AGAP1: variants seen among roughly 807,000 people sequenced by gnomAD.
AGAP1 encodes arf-GAP with GTPase, ANK repeat and PH domain-containing protein 1.
A neutral mutation model predicts 105.3 loss-of-function variants in AGAP1; 29 were observed. That is an observed-to-expected ratio of 0.28 (90% CI 0.21 to 0.38). AGAP1 has a LOEUF of 0.38. Ranked by LOEUF, AGAP1 falls within the 10% of genes least tolerant of loss-of-function variation. The pLI is 1.00. For missense variants in AGAP1, 998 were observed against 1,165.1 expected (o/e 0.86, Z 2.09); for synonymous variants, 509 against 485.9 (o/e 1.05, Z -0.63).
At chr2:235,763,066 GCGCACA>G (rs1559452862) in intron 6 of AGAP1, among the ~76,000 whole-genome samples, 3,370 of 97,448 alleles carry the variant, frequency 0.035, 45 homozygotes, top group Admixed American at 0.082. Context: ...GTGCGCGCGC[GCGCACA>G]CGTGCACCTG....
chr2:235,726,842 T>G (rs1951672969), intron 3 of AGAP1, among the ~76,000 whole-genome samples: 1 of 152,004 alleles, frequency 6.6e-6, no homozygotes, highest in South Asian at 2.1e-4. Context: ...CTTCTTAACT[T>G]GCATCTCTGG....
chr2:235,536,217 ACACACAG>A (rs1943216695), intron 1 of AGAP1, among the ~76,000 whole-genome samples: 1 of 69,592 alleles, frequency 1.4e-5, no homozygotes, highest in African/African-American at 7.3e-5. Flanking sequence ...TCCTACACAC[ACACACAG>A]CAGGACCCTG....
At chr2:235,766,866 C>T (rs927611278) in intron 6 of AGAP1, among the ~76,000 whole-genome samples, 3 of 151,506 alleles carry the variant, frequency 2.0e-5, no homozygotes, top group African/African-American at 4.9e-5. Context: ...CTCAGCCTCC[C>T]GAGTAGCTGG....
chr2:235,651,276 C>T (rs113516568), intron 1 of AGAP1, among the ~76,000 whole-genome samples: 15 of 145,358 alleles, frequency 1.0e-4, no homozygotes, highest in African/African-American at 1.7e-4. Context: ...AGGTGGGGAA[C>T]GACTCAATGG....
intron 1 of AGAP1, among the ~76,000 whole-genome samples, chr2:235,673,944 A>G (rs1241117023): frequency 1.3e-5 from 2 of 152,252 alleles, no homozygotes; most frequent in African/African-American, 2.4e-5. Flanking sequence ...TTGCTTAGGC[A>G]AGGTATTTCC....
chr2:235,990,481 G>T (rs920562866), intron 13 of AGAP1, among the ~76,000 whole-genome samples: 2 of 152,234 alleles, frequency 1.3e-5, no homozygotes, highest in Admixed American at 1.3e-4. Context: ...TTTGATGGTT[G>T]ATGCTGCCTG....
At chr2:235,541,382 T>G (rs921655612) in intron 1 of AGAP1, among the ~76,000 whole-genome samples, 82 of 87,412 alleles carry the variant, frequency 9.4e-4, no homozygotes, top group Non-Finnish European at 1.8e-4. Flanking sequence ...TATTCTTTTT[T>G]TTTTTTTTTT....
chr2:235,856,265 C>T (rs2048682228), intron 9 of AGAP1, among the ~76,000 whole-genome samples: 1 of 152,130 alleles, frequency 6.6e-6, no homozygotes, highest in Non-Finnish European at 1.5e-5. Context: ...CTATAGCTTC[C>T]TCTCTTTAGT....
chr2:235,790,973 G>A (rs1239554356), intron 6 of AGAP1, among the ~76,000 whole-genome samples: 1 of 152,182 alleles, frequency 6.6e-6, no homozygotes, highest in Non-Finnish European at 1.5e-5. Context: ...TGTCATTAAG[G>A]AACATACTGT....
intron 1 of AGAP1, among the ~76,000 whole-genome samples, chr2:235,593,940 G>T (rs1033497430): frequency 6.6e-6 from 1 of 152,172 alleles, no homozygotes; most frequent in African/African-American, 2.4e-5. Flanking sequence ...CTGAACTCCA[G>T]CCTGGGGGAC....
At chr2:235,796,319 T>A (rs562850167) in intron 6 of AGAP1, among the ~76,000 whole-genome samples, 4 of 152,342 alleles carry the variant, frequency 2.6e-5, no homozygotes, top group Non-Finnish European at 5.9e-5. Flanking sequence ...TGAGTTCACA[T>A]AATGACTTTA....
chr2:235,506,144 C>T (rs1336705354), intron 1 of AGAP1, among the ~76,000 whole-genome samples: 6 of 151,870 alleles, frequency 4.0e-5, no homozygotes, highest in African/African-American at 9.7e-5. Context: ...TTGGCCAGGC[C>T]GGTCTCAAAC....
intron 12 of AGAP1, among the ~76,000 whole-genome samples, chr2:235,932,416 G>A (rs1049210273): frequency 1.3e-5 from 2 of 152,200 alleles, no homozygotes; most frequent in South Asian, 2.1e-4. Flanking sequence ...TCACATACTC[G>A]TTTCATTATC....
chr2:235,756,794 G>C (rs1442568016), intron 6 of AGAP1, among the ~76,000 whole-genome samples: 2 of 152,108 alleles, frequency 1.3e-5, no homozygotes, highest in Admixed American at 6.5e-5. Flanking sequence ...TCTAGGTTAC[G>C]CATTCCTTAG....
In AGAP1 at chr2:235,732,128, G is replaced by T. The variant is rs1244071947; in HGVS notation, c.311-8835G>T. On this transcript the variant is annotated intron_variant, in intron 3 of 17. Transcript: ENST00000304032. This position sits in a 1 kb window ranked among gnomAD's most constrained non-coding sequence, Gnocchi z 4.8. Reference sequence around the variant, plus strand: ...CGGATTCAGATCTTTCTGCGTCTCAGGAACATTCCTTTGTCTTTTATCTTC... The same window carrying T: ...CGGATTCAGATCTTTCTGCGTCTCATGAACATTCCTTTGTCTTTTATCTTC... Among the ~76,000 whole-genome samples the T allele has an allele frequency of 6.6e-6, 1 of 152,152 alleles. No individual in the cohort carries two copies. Among genetic ancestry groups the T allele is most frequent in the Non-Finnish European group, 1.5e-5 (1 of 68,032 alleles).
At chr2:235,923,388 C>T (rs7607966) in intron 11 of AGAP1, among the ~76,000 whole-genome samples, 66,232 of 151,856 alleles carry the variant, frequency 0.44, 15,287 homozygotes, top group African/African-American at 0.57. Flanking sequence ...ATAAGTGTTA[C>T]TGGTACAACA....
At chr2:235,749,078 G>A (rs1953207400) in intron 5 of AGAP1, among the ~76,000 whole-genome samples, 2 of 152,120 alleles carry the variant, frequency 1.3e-5, no homozygotes, top group Non-Finnish European at 1.5e-5. Context: ...GCATGGTGGT[G>A]AGTACCTGTA....
At chr2:236,084,723 T>C (rs753497768) in intron 16 of AGAP1, among the ~76,000 whole-genome samples, 3 of 151,422 alleles carry the variant, frequency 2.0e-5, no homozygotes, top group Non-Finnish European at 4.4e-5. Context: ...GCCAACATGG[T>C]GAAACCACGT....
chr2:235,550,487 G>A lies in AGAP1; in HGVS notation c.163+55638G>A, dbSNP rs1943769204. Reference sequence around the variant, plus strand: ...TCAAATGCCATTCACAGCAGTGTCAGTGCCTGCCCAGAGTGTGCTAGAATG... The same window carrying A: ...TCAAATGCCATTCACAGCAGTGTCAATGCCTGCCCAGAGTGTGCTAGAATG... On this transcript the variant is annotated intron_variant, in intron 1 of 17. Coordinates refer to ENST00000304032, the MANE Select transcript of AGAP1 (RefSeq NM_001037131.3). This position sits in a 1 kb window ranked among gnomAD's most constrained non-coding sequence, Gnocchi z 4.6. Among the ~76,000 whole-genome samples the A allele has an allele frequency of 6.6e-6, 1 of 152,200 alleles. No homozygotes were observed. Among genetic ancestry groups the A allele is most frequent in the South Asian group, 2.1e-4 (1 of 4,832 alleles).
Sources: allele counts gnomAD v4.1 joint callset (sites outside exome capture counted in the v4.1 genomes callset), GRCh38; gene constraint gnomAD v4.1.1; non-coding constraint Gnocchi (gnomAD v3.1); transcripts MANE v1.5; gene names NCBI Gene and HGNC (gene_info 2026-07-23, HGNC 2026-07-21).